Variants in DMD observed in about 807,000 individuals in gnomAD.
The protein encoded by DMD is mutant dystrophin.
A neutral mutation model predicts 330.1 loss-of-function variants in DMD; 63 were observed. The observed-to-expected ratio is 0.19, with a 90% CI of 0.16 to 0.24. DMD has a LOEUF of 0.24. Among genes scored for constraint, DMD ranks in the 10% least tolerant of loss-of-function variants. The pLI, the probability that DMD is intolerant of heterozygous loss-of-function variation, is 1.00. For synonymous variants in DMD, 1,223 were observed against 959.8 expected (o/e 1.27, Z -5.07); for missense variants, 3,344 against 2,684.1 (o/e 1.25, Z -5.43).
intron 44 of DMD, among the ~76,000 whole-genome samples, chrX:32,041,171 C>G (rs928931796): frequency 8.9e-6 from 1 of 112,370 alleles, no homozygotes; most frequent in Non-Finnish European, 1.9e-5. Context: ...GCATTTTCCC[C>G]AAGTTGGAGT....
At chrX:33,019,503 A>C (rs768253384) in intron 2 of DMD, among the ~76,000 whole-genome samples, 1 of 111,546 alleles carries the variant, frequency 9.0e-6, no homozygotes. Flanking sequence ...TGACATCCCA[A>C]TAAACCTCCA....
At chrX:32,970,268 T>A (rs1372010957) in intron 2 of DMD, among the ~76,000 whole-genome samples, 3 of 94,350 alleles carry the variant, frequency 3.2e-5, no homozygotes, top group Non-Finnish European at 6.1e-5. Flanking sequence ...ACAGGGTAAG[T>A]ATAGTCAATA....
At chrX:32,096,566 CAA>C (rs768098478) in intron 44 of DMD, among the ~76,000 whole-genome samples, 98 of 94,646 alleles carry the variant, frequency 1.0e-3, no homozygotes, top group African/African-American at 3.5e-3. Context: ...TAAAAAAATA[CAA>C]AAAAAAAAAG....
At chrX:31,631,388 C>T (rs929719468) in intron 54 of DMD, among the ~76,000 whole-genome samples, 6 of 111,199 alleles carry the variant, frequency 5.4e-5, no homozygotes, top group African/African-American at 2.0e-4. Flanking sequence ...GTGCCTAGCC[C>T]AAAGTTACCC....
intron 7 of DMD, among the ~76,000 whole-genome samples, chrX:32,751,205 A>G (rs938565773): frequency 2.7e-5 from 3 of 111,497 alleles, no homozygotes; most frequent in African/African-American, 9.8e-5. Context: ...AGAGGTTGCA[A>G]CAGTTTGAGA....
intron 2 of DMD, among the ~76,000 whole-genome samples, chrX:32,936,747 T>C (rs1290658761): frequency 1.1e-4 from 12 of 111,668 alleles, no homozygotes; most frequent in African/African-American, 3.9e-4. Context: ...GCCATAATAA[T>C]CTTTATGACA....
intron 7 of DMD, among the ~76,000 whole-genome samples, chrX:32,780,856 C>T (rs1161264236): frequency 1.8e-5 from 2 of 109,428 alleles, no homozygotes; most frequent in Admixed American, 2.0e-4. Flanking sequence ...CTTTCAGAGG[C>T]CGAGGCGGGC....
chrX:32,536,264 CA>C lies in DMD; in HGVS notation c.2168+8894del, dbSNP rs1191335690. ...TGGCAACAGAGTGAGACTCCGTCTC[CA>C]AAAAAAAAAAAAAAAAAAAAAAACA... is the stretch of plus-strand genomic sequence containing the variant. On this transcript the variant is annotated intron_variant, in intron 17 of 78. Transcript: ENST00000357033. 3.2e-3 allele frequency among the ~76,000 whole-genome samples: 118 copies of C among 36,359 alleles called. 1 individual carries two copies. The highest frequency in any genetic ancestry group is 0.011 in the African/African-American group (95 of 8,396). 31.6% of individuals were successfully genotyped at this position (36,359 alleles called of 115,157 possible).
chrX:32,732,280 G>A lies in DMD; in HGVS notation c.650-32987C>T, dbSNP rs779420927. On this transcript the variant is annotated intron_variant, in intron 7 of 78. Coordinates refer to ENST00000357033, the MANE Select transcript of DMD (RefSeq NM_004006.3). ...GACTATGTGAAAAGACCAAATCTACGTCTGATTGGTGTACCTGAAAGTGAT... is the reference window on the plus strand; with the variant it reads ...GACTATGTGAAAAGACCAAATCTACATCTGATTGGTGTACCTGAAAGTGAT... Among the ~76,000 whole-genome samples, 361 of 111,136 alleles carry A rather than the reference G, an allele frequency of 3.2e-3. 1 individual carries two copies. Among genetic ancestry groups the A allele is most frequent in the African/African-American group, 0.011 (337 of 30,532 alleles).
chrX:32,669,881 G>A (rs1033833788), intron 9 of DMD, among the ~76,000 whole-genome samples: 3 of 110,901 alleles, frequency 2.7e-5, no homozygotes, highest in African/African-American at 9.8e-5. Flanking sequence ...TCCACAATGT[G>A]TCCTTCAACC....
At chrX:31,150,346 T>C (rs1309071169) in intron 74 of DMD, among the ~76,000 whole-genome samples, 3 of 112,074 alleles carry the variant, frequency 2.7e-5, no homozygotes, top group Non-Finnish European at 5.6e-5. Flanking sequence ...CCACTGTCTT[T>C]TGGTTATATT....
intron 53 of DMD, among the ~76,000 whole-genome samples, chrX:31,658,844 C>A (rs991401438): frequency 8.9e-6 from 1 of 111,866 alleles, no homozygotes; most frequent in Non-Finnish European, 1.9e-5. Flanking sequence ...GGTTTTATCT[C>A]GAAGCATATC....
At chrX:32,695,487 T>C (rs755271340) in intron 9 of DMD, among the ~76,000 whole-genome samples, 1 of 110,983 alleles carries the variant, frequency 9.0e-6, no homozygotes, top group Non-Finnish European at 1.9e-5. Context: ...TTTAGGAGAG[T>C]AGCCTTGTTA....
intron 34 of DMD, among the ~76,000 whole-genome samples, chrX:32,379,969 C>A (rs2097918278): frequency 9.0e-6 from 1 of 110,907 alleles, no homozygotes; most frequent in Non-Finnish European, 1.9e-5. Context: ...TTCTAAGCAG[C>A]ATGAAATGAT....
intron 16 of DMD, among the ~76,000 whole-genome samples, chrX:32,557,746 C>A (rs2050470665): frequency 9.0e-6 from 1 of 110,881 alleles, no homozygotes; most frequent in South Asian, 3.7e-4. Flanking sequence ...TGGGAGAATC[C>A]TTGGGCAAAA....
At chrX:31,388,745 T>C (rs374782345) in intron 60 of DMD, among the ~76,000 whole-genome samples, 74 of 110,868 alleles carry the variant, frequency 6.7e-4, no homozygotes, top group African/African-American at 2.4e-3. Context: ...CTACTAAAAA[T>C]ACAAAAATTA....
chrX:32,863,796 G>A (rs894508119), intron 2 of DMD, among the ~76,000 whole-genome samples: 2 of 111,811 alleles, frequency 1.8e-5, no homozygotes, highest in Non-Finnish European at 3.8e-5. Flanking sequence ...CGGTGCAGTT[G>A]TGTATGGACA....
chrX:32,107,095 G>C (rs2096567367), intron 44 of DMD, among the ~76,000 whole-genome samples: 1 of 110,991 alleles, frequency 9.0e-6, no homozygotes, highest in South Asian at 3.8e-4. Context: ...GTGACTGTTT[G>C]ATCTTAGGTA....
At chrX:31,954,226 T>A (rs771115151) in intron 45 of DMD, among the ~76,000 whole-genome samples, 100 of 111,733 alleles carry the variant, frequency 8.9e-4, no homozygotes, top group Non-Finnish European at 1.5e-3. Flanking sequence ...ATAATCTCAA[T>A]TTACATTTTA....
Sources: allele counts gnomAD v4.1 joint callset (sites outside exome capture counted in the v4.1 genomes callset), GRCh38; gene constraint gnomAD v4.1.1; transcripts MANE v1.5; gene names NCBI Gene and HGNC (gene_info 2026-07-23, HGNC 2026-07-21).